The following LRRC38 variants were observed in gnomAD, a reference collection of about 807,000 sequenced individuals.
The protein encoded by LRRC38 is leucine rich repeat containing 38.
A neutral mutation model predicts 16.4 loss-of-function variants in LRRC38; 5 were observed. The ratio of observed to expected loss-of-function variants is 0.31; its 90% CI spans 0.16 to 0.64. The LOEUF is 0.64. LRRC38 is among the 30% of genes least tolerant of loss of function. The pLI, the probability that LRRC38 is intolerant of heterozygous loss-of-function variation, is 0.80. For missense variants in LRRC38, 341 were observed against 401.8 expected, an observed-to-expected ratio of 0.85 and a Z score of 1.29; for synonymous variants, 191 against 190.2, an observed-to-expected ratio of 1.00 and a Z score of -0.04.
At chr1:13,504,380 C>T (rs1316952598) in intron 1 of LRRC38, among the ~76,000 whole-genome samples, 1 of 151,972 alleles carries the variant, frequency 6.6e-6, no homozygotes, top group African/African-American at 2.4e-5. Context: ...TTCTGCCACA[C>T]AGATAGGAAA....
Position 13,492,120 on chromosome 1 carries a change from C to T in LRRC38, c.632-16021G>A, listed in dbSNP as rs905138806. Among the ~76,000 whole-genome samples, 106 of 152,312 alleles carry T rather than the reference C, an allele frequency of 7.0e-4. 1 individual carries two copies. The highest frequency in any genetic ancestry group is 2.5e-3 in the African/African-American group (102 of 41,568). On this transcript the variant is annotated intron_variant, in intron 1 of 1. Coordinates refer to ENST00000376085, the MANE Select transcript of LRRC38 (RefSeq NM_001010847.2). ...CCGCATTAAATACTAACTCCCCATT[C>T]CCCCTCCTCCCAGGCACAGGCAAAT...
chr1:13,486,233 G>A (rs550979768), intron 1 of LRRC38, among the ~76,000 whole-genome samples: 2 of 152,126 alleles, frequency 1.3e-5, no homozygotes, highest in South Asian at 4.2e-4. Context: ...GTCTCCATAC[G>A]GCCTCTGCTC....
intron 1 of LRRC38, among the ~76,000 whole-genome samples, chr1:13,504,865 A>AG (rs1553121249): frequency 6.6e-6 from 1 of 150,710 alleles, no homozygotes; most frequent in East Asian, 2.0e-4. Context: ...AGAAAAAAGA[A>AG]AAAGAGAAAG....
Position 13,505,936 on chromosome 1 carries a change from C to CCGTCTGGGCTGTGAGAGGGAGCT in LRRC38, c.631+7026_631+7027insAGCTCCCTCTCACAGCCCAGACG, listed in dbSNP as rs1553121259. Among the ~76,000 whole-genome samples the CCGTCTGGGCTGTGAGAGGGAGCT allele has an allele frequency of 1.0e-4, 15 of 149,236 alleles. No homozygotes were observed. In the South Asian group the frequency reaches 3.3e-3, roughly 33 times the overall value. ...GGGAGGAGAAGTGATAAGGAGGGGC[C>CCGTCTGGGCTGTGAGAGGGAGCT]CGTCTGGGCTGTGGGAGGGAGCTCG... On this transcript the variant is annotated intron_variant, in intron 1 of 1. Coordinates refer to ENST00000376085, the MANE Select transcript of LRRC38 (RefSeq NM_001010847.2).
intron 1 of LRRC38, among the ~76,000 whole-genome samples, chr1:13,510,788 T>C (rs1157808064): frequency 6.6e-6 from 1 of 152,138 alleles, no homozygotes; most frequent in South Asian, 2.1e-4. Context: ...ACATTCTGAA[T>C]CCAGATGCAA....
rs758123948 is a variant in LRRC38 at position 13,487,069 on chromosome 1, G to A, written c.632-10970C>T. On this transcript the variant is annotated intron_variant, in intron 1 of 1. Coordinates refer to ENST00000376085, the MANE Select transcript of LRRC38 (RefSeq NM_001010847.2). The surrounding 1 kb of genome is among the most constrained non-coding windows in gnomAD (Gnocchi z 4.4). ...TGCAGAAACTGTCCATTGGTTCTGC[G>A]TTCTCCACCTGCAGACCTGCCCCAT... Among the ~76,000 whole-genome samples the A allele has an allele frequency of 3.9e-5, 6 of 152,286 alleles. No individual in the cohort carries two copies. The highest frequency in any genetic ancestry group is 3.4e-3 in the Middle Eastern group (1 of 294).
intron 1 of LRRC38, 147 bp downstream of exon 1, chr1:13,512,816 C>A: frequency 1.2e-6 from 1 of 811,382 alleles, no homozygotes. Context: ...CCACCCACTT[C>A]CCCAGCAGAG....
intron 1 of LRRC38, 31 bp downstream of exon 1, chr1:13,512,932 T>TCCCCCC: frequency 4.0e-6 from 2 of 495,306 alleles, no homozygotes; most frequent in South Asian, 2.8e-5. Flanking sequence ...CCCCCCTCCC[T>TCCCCCC]CCCTCCCCCA....
chr1:13,483,691 G>A (rs1186165115), intron 1 of LRRC38, among the ~76,000 whole-genome samples: 1 of 152,130 alleles, frequency 6.6e-6, no homozygotes, highest in African/African-American at 2.4e-5. Context: ...GTGTGACCCT[G>A]GGCCAGGCCC....
chr1:13,486,829 G>A (rs931836354), intron 1 of LRRC38, among the ~76,000 whole-genome samples: 4 of 152,068 alleles, frequency 2.6e-5, no homozygotes, highest in Non-Finnish European at 2.9e-5. Context: ...AGACTCAAGC[G>A]ATCCACCTGC....
At chr1:13,510,941 C>T (rs55655404) in intron 1 of LRRC38, among the ~76,000 whole-genome samples, 1 of 152,296 alleles carries the variant, frequency 6.6e-6, no homozygotes, top group African/African-American at 2.4e-5. Flanking sequence ...GAGATACTCT[C>T]GGGCCACACA....
chr1:13,507,574 G>A (rs929035387), intron 1 of LRRC38, among the ~76,000 whole-genome samples: 1 of 152,244 alleles, frequency 6.6e-6, no homozygotes, highest in Non-Finnish European at 1.5e-5. Flanking sequence ...GCTCACGCCT[G>A]TAATCCCAGC....
intron 1 of LRRC38, among the ~76,000 whole-genome samples, chr1:13,505,694 C>T (rs1050396925): frequency 1.3e-5 from 2 of 152,046 alleles, no homozygotes; most frequent in East Asian, 3.9e-4. Context: ...GAAGATGTGA[C>T]CAAGAGTGAT....
chr1:13,482,452 C>T (rs566144845), intron 1 of LRRC38, among the ~76,000 whole-genome samples: 4 of 152,064 alleles, frequency 2.6e-5, no homozygotes, highest in African/African-American at 7.2e-5. Flanking sequence ...TGGTGGCGCA[C>T]GCCTCTACTC....
chr1:13,507,557 C>T (rs539418619), intron 1 of LRRC38, among the ~76,000 whole-genome samples: 22 of 152,228 alleles, frequency 1.4e-4, no homozygotes, highest in Non-Finnish European at 2.6e-4. Context: ...GGGGGCCAGG[C>T]GCAGTGGCTC....
intron 1 of LRRC38, among the ~76,000 whole-genome samples, chr1:13,480,693 C>T (rs183369179): frequency 1.8e-4 from 27 of 152,032 alleles, no homozygotes; most frequent in African/African-American, 4.8e-4. Flanking sequence ...CCTCTACATG[C>T]GCTCTTGCCT....
rs529732927 is a variant in LRRC38, at chr1:13,475,114, G to A, written c.*732C>T. 1.3e-5 allele frequency: 2 copies of A among 152,296 alleles called. No individual in the cohort carries two copies. The highest frequency in any genetic ancestry group is 1.3e-4 in the Admixed American group (2 of 15,278). The allele number at this position is 152,296 out of a possible 1,614,324, so 9.4% of individuals were successfully genotyped here. A position where few individuals can be genotyped will look rare whatever the true frequency, so the allele number is the denominator to read the frequency against. On this transcript the variant is annotated 3_prime_UTR_variant, in exon 2 of 2. Coordinates refer to ENST00000376085, the MANE Select transcript of LRRC38 (RefSeq NM_001010847.2). The surrounding 1 kb of genome is among the most constrained non-coding windows in gnomAD (Gnocchi z 4.3). ...AGCTGATTTCTTGCTGCATCCTCAAGCATTGAAGGGGTGAAGGAGCTCTCT... is the reference window on the plus strand; with the variant it reads ...AGCTGATTTCTTGCTGCATCCTCAAACATTGAAGGGGTGAAGGAGCTCTCT...
chr1:13,494,542 G>A (rs1269206838), intron 1 of LRRC38, among the ~76,000 whole-genome samples: 2 of 152,078 alleles, frequency 1.3e-5, no homozygotes, highest in Non-Finnish European at 2.9e-5. Flanking sequence ...GCACATAGCA[G>A]TGAAGCAGTT....
At position 13,513,061 on chromosome 1, in the gene LRRC38, A is replaced by C. The variant is rs915391942; in HGVS notation, c.533T>G (p.Leu178Arg). The change falls in exon 1 of 2, where the codon CTG becomes CGG. Residue 178 changes from leucine (L) to arginine (R), a missense_variant. Transcript: ENST00000376085. ...GTTCCCGTCCAGACGCAGGGAGCGCAGCGCGGGCAGCGCGGCCAGGGCGGC... is the reference window on the plus strand; with the variant it reads ...GTTCCCGTCCAGACGCAGGGAGCGCCGCGCGGGCAGCGCGGCCAGGGCGGC... ...SVAALAALPA[L>R]RSLRLDGNPW... is the part of the protein sequence containing the mutation. 1.9e-6 allele frequency: 3 copies of C among 1,550,028 alleles called. No individual in the cohort carries two copies. The African/African-American group carries it at 4.1e-5, about 21-fold the overall frequency.
Sources: allele counts gnomAD v4.1 joint callset (sites outside exome capture counted in the v4.1 genomes callset), GRCh38; gene constraint gnomAD v4.1.1; non-coding constraint Gnocchi (gnomAD v3.1); transcripts MANE v1.5; gene names NCBI Gene and HGNC (gene_info 2026-07-23, HGNC 2026-07-21).